The following PKNOX1 variants were observed in gnomAD, a reference collection of about 807,000 sequenced individuals.
The protein encoded by PKNOX1 is PBX/knotted 1 homeobox 1, also known as homeobox protein PKNOX1.
In PKNOX1, 15 loss-of-function variants were observed where a neutral mutation model predicts 51.9. The ratio of observed to expected loss-of-function variants is 0.29; its 90% CI spans 0.19 to 0.45. The LOEUF (loss-of-function observed/expected upper bound fraction) is 0.45, where lower values mean the gene tolerates loss of function less well. Among genes scored for constraint, PKNOX1 ranks in the 20% least tolerant of loss-of-function variants. The pLI, the probability that PKNOX1 is intolerant of heterozygous loss-of-function variation, is 1.00. For missense variants in PKNOX1, 462 were observed against 547.5 expected (o/e 0.84, Z 1.56); for synonymous variants, 219 against 211.1 (o/e 1.04, Z -0.32).
rs1453785247 is a variant in PKNOX1 at position 43,021,410 on chromosome 21, C to G, written c.828C>G (p.Ser276=). 33 of 1,610,870 alleles carry G rather than the reference C, an allele frequency of 2.0e-5. No individual in the cohort carries two copies. Among genetic ancestry groups the G allele is most frequent in the Non-Finnish European group, 2.5e-5 (29 of 1,178,234 alleles). Reference sequence around the variant, plus strand: ...AGCATGCCACGAACGTGATGCGGTCCTGGCTCTTCCAGCACATCGGGGTAA... The same window carrying G: ...AGCATGCCACGAACGTGATGCGGTCGTGGCTCTTCCAGCACATCGGGGTAA... ...LPKHATNVMR[S]WLFQHIGHPY... The change falls in exon 8 of 11, where the codon TCC becomes TCG. Residue 276 remains serine, a synonymous_variant. Coordinates refer to ENST00000291547, the MANE Select transcript of PKNOX1 (RefSeq NM_004571.5). This position sits in a 1 kb window ranked among gnomAD's most constrained non-coding sequence, Gnocchi z 4.6.
chr21:43,018,894 C>G (rs541152704), intron 7 of PKNOX1, among the ~76,000 whole-genome samples: 1 of 152,110 alleles, frequency 6.6e-6, no homozygotes, highest in East Asian at 1.9e-4. Flanking sequence ...TCAAGACTAG[C>G]CTGGCCAGTA....
rs201879881 is a variant in PKNOX1 at position 43,028,761 on chromosome 21, C to A, written c.986C>A (p.Thr329Asn). The change falls in exon 10 of 11, where the codon ACC (threonine) becomes AAC (asparagine). Residue 329 changes from threonine (T) to asparagine (N), a missense_variant. This residue lies in a region of PKNOX1 where 75 missense variants were observed against 129.8 expected (regional missense o/e 0.58). Transcript: ENST00000291547. ...ATGTTGGATTCAAGTTGTTCAGAGACCCCCAAAACAAAGAAAAAAACTGCT... is the reference window on the plus strand; with the variant it reads ...ATGTTGGATTCAAGTTGTTCAGAGAACCCCAAAACAAAGAAAAAAACTGCT... ...QPMLDSSCSE[T>N]PKTKKKTAQN... 5 of 1,614,002 alleles carry A rather than the reference C, an allele frequency of 3.1e-6. No homozygotes were observed. The highest frequency in any genetic ancestry group is 2.2e-5 in the East Asian group (1 of 44,876).
intron 9 of PKNOX1, 78 bp downstream of exon 9, chr21:43,025,025 A>G (rs1979930701): frequency 5.8e-6 from 5 of 864,110 alleles, no homozygotes; most frequent in Non-Finnish European, 9.5e-6. Flanking sequence ...TACATGGTGA[A>G]ATCTTGCTGA....
intron 1 of PKNOX1, among the ~76,000 whole-genome samples, chr21:42,975,136 G>A (rs1049116213): frequency 2.8e-5 from 4 of 145,222 alleles, no homozygotes; most frequent in Non-Finnish European, 4.6e-5. Flanking sequence ...GGCGGGCGGC[G>A]CGCGTGGGGC....
chr21:42,984,948 A>G (rs1291279047), intron 1 of PKNOX1, among the ~76,000 whole-genome samples: 2 of 145,604 alleles, frequency 1.4e-5, no homozygotes, highest in African/African-American at 5.1e-5. Context: ...CTTGCCTCCA[A>G]GGGTTAGGGT....
intron 1 of PKNOX1, among the ~76,000 whole-genome samples, chr21:43,002,862 G>A (rs150916983): frequency 3.2e-4 from 49 of 152,228 alleles, no homozygotes; most frequent in African/African-American, 1.1e-3. Context: ...GACTATAGGC[G>A]CATGCCACCA....
chr21:43,016,660 T>C (rs1979501269), intron 5 of PKNOX1, among the ~76,000 whole-genome samples: 1 of 152,216 alleles, frequency 6.6e-6, no homozygotes, highest in Non-Finnish European at 1.5e-5. Context: ...GAGATGAAGA[T>C]AATCTTTTGG....
In PKNOX1 at chr21:43,017,405, C is replaced by T. The variant is rs574567383; in HGVS notation, c.622+398C>T. The T allele has an allele frequency of 2.0e-4, 32 of 159,320 alleles. 1 individual carries two copies. The highest frequency in any genetic ancestry group is 1.0e-3 in the Admixed American group (17 of 16,244). 9.9% of individuals were successfully genotyped at this position (159,320 alleles called of 1,614,324 possible). A position where few individuals can be genotyped will look rare whatever the true frequency, so the allele number is the denominator to read the frequency against. The stretch of plus-strand genomic sequence containing the variant: ...ATTGGTATTACTTGTAGAACAAAAC[C>T]GTTACAGGAAAGGGACAGATTCCAG... On this transcript the variant is annotated intron_variant, in intron 6 of 10. Transcript: ENST00000291547.
At position 43,021,372 on chromosome 21, in the gene PKNOX1, G is replaced by T. The variant is rs1979746215; in HGVS notation, c.790G>T (p.Gly264Cys). ...QDDGSSKNKR[G>C]VLPKHATNVM... ...TGATGGTTCATCTAAGAACAAGAGG[G>T]GCGTCCTGCCAAAGCATGCCACGAA... is the stretch of plus-strand genomic sequence containing the variant. Residue 264 changes from glycine to cysteine, a missense_variant, in exon 8 of 11, where the codon GGC becomes TGC. Gly to Cys is a radical substitution (Grantham distance 159). Coordinates refer to ENST00000291547, the MANE Select transcript of PKNOX1 (RefSeq NM_004571.5). The surrounding 1 kb of genome is among the most constrained non-coding windows in gnomAD (Gnocchi z 4.6). 6.2e-7 allele frequency: 1 copy of T among 1,613,446 alleles called. No individual in the cohort carries two copies.
rs1170331229 is a variant in PKNOX1, at chr21:43,004,404, G to A, written c.23G>A (p.Ser8Asn). MMATQTL[S>N]IDSYQDGQQM... is the part of the protein sequence containing the mutation. ...ACCATGATGGCTACACAGACATTAA[G>A]TATAGACAGCTATCAAGATGGGCAA... The change falls in exon 2 of 11, where the codon AGT becomes AAT. Residue 8 changes from serine (S) to asparagine (N), a missense_variant. This residue lies in a region of PKNOX1 where 129 missense variants were observed against 133.4 expected (regional missense o/e 0.97). Transcript: ENST00000291547. The A allele has an allele frequency of 2.5e-6, 4 of 1,609,328 alleles. No homozygotes were observed. Among genetic ancestry groups the A allele is most frequent in the African/African-American group, 2.7e-5 (2 of 74,808 alleles).
At position 43,030,248 on chromosome 21, in the gene PKNOX1, C is replaced by A; in HGVS notation, c.*147C>A. Reference sequence around the variant, plus strand: ...TTAAAGCGCGTCTTTGCCGGTGCAGCGACTTCTTTCAAGTGTGTGTGTGTG... The same window carrying A: ...TTAAAGCGCGTCTTTGCCGGTGCAGAGACTTCTTTCAAGTGTGTGTGTGTG... On this transcript the variant is annotated 3_prime_UTR_variant, in exon 11 of 11. Coordinates refer to ENST00000291547, the MANE Select transcript of PKNOX1 (RefSeq NM_004571.5). The A allele has an allele frequency of 1.6e-6, 1 of 606,114 alleles. No individual in the cohort carries two copies. 37.5% of individuals were successfully genotyped at this position (606,114 alleles called of 1,614,324 possible).
intron 1 of PKNOX1, among the ~76,000 whole-genome samples, chr21:42,993,345 G>A (rs1486917125): frequency 6.6e-6 from 1 of 152,088 alleles, no homozygotes; most frequent in African/African-American, 2.4e-5. Flanking sequence ...AACAGGACTC[G>A]CGGGCCGAGC....
chr21:43,003,430 G>T (rs773252752), intron 1 of PKNOX1, among the ~76,000 whole-genome samples: 1 of 152,126 alleles, frequency 6.6e-6, no homozygotes, highest in Non-Finnish European at 1.5e-5. Flanking sequence ...GTGTGTATAT[G>T]AGCATGCCCA....
intron 1 of PKNOX1, among the ~76,000 whole-genome samples, chr21:42,995,154 T>C (rs1978443675): frequency 6.6e-6 from 1 of 152,050 alleles, no homozygotes; most frequent in Non-Finnish European, 1.5e-5. Context: ...ACTCCTGACC[T>C]CAGGTAGTCC....
At position 43,018,958 on chromosome 21, in the gene PKNOX1, G is replaced by A. The variant is rs373410799; in HGVS notation, c.720+728G>A. On this transcript the variant is annotated intron_variant, in intron 7 of 10. Transcript: ENST00000291547. ...AAATTAGCTGGGTGCAGTGGTGCAC[G>A]CCTGTAATCCCAGCTACTCGGGAGG... Among the ~76,000 whole-genome samples the A allele has an allele frequency of 5.9e-5, 9 of 151,988 alleles. No individual in the cohort carries two copies. In the East Asian group the frequency reaches 1.2e-3, roughly 20 times the overall value.
chr21:43,011,573 C>A, intron 4 of PKNOX1, among the ~76,000 whole-genome samples: 1 of 152,206 alleles, frequency 6.6e-6, no homozygotes, highest in East Asian at 1.9e-4. Flanking sequence ...GGTGTGCTCT[C>A]CTGCCAGAGT....
chr21:43,007,218 C>T (rs1258727321), intron 2 of PKNOX1, among the ~76,000 whole-genome samples: 1 of 152,176 alleles, frequency 6.6e-6, no homozygotes, highest in East Asian at 1.9e-4. Flanking sequence ...TGCACGTGTG[C>T]CGTTCTCTTC....
At chr21:43,009,163 C>G (rs1418311360) in intron 3 of PKNOX1, among the ~76,000 whole-genome samples, 2 of 152,080 alleles carry the variant, frequency 1.3e-5, no homozygotes, top group Non-Finnish European at 2.9e-5. Context: ...AAAACAAAAA[C>G]TAGGCCAGGC....
chr21:42,977,835 G>A (rs376117774), intron 1 of PKNOX1, among the ~76,000 whole-genome samples: 2 of 151,960 alleles, frequency 1.3e-5, no homozygotes, highest in East Asian at 1.9e-4. Flanking sequence ...GTGAGCTGCC[G>A]TGCCTGGCTC....
Sources: gnomAD v4.1 joint callset for allele counts (sites outside exome capture counted in the v4.1 genomes callset) on GRCh38, gnomAD v4.1.1 for gene constraint, gnomAD v4.1.1 regional missense constraint, Gnocchi (gnomAD v3.1) non-coding constraint, MANE v1.5 for transcripts, NCBI Gene and HGNC (gene_info 2026-07-23, HGNC 2026-07-21) for gene names.